PDE4B: variants seen among roughly 807,000 people sequenced by gnomAD.
The protein encoded by PDE4B is phosphodiesterase 4B.
A neutral mutation model predicts 82.2 loss-of-function variants in PDE4B; 20 were observed. The observed-to-expected ratio is 0.24, with a 90% confidence interval of 0.17 to 0.35. The LOEUF is 0.35. PDE4B is among the 10% of genes least tolerant of loss of function. The pLI is 1.00. For missense variants in PDE4B, 655 were observed against 907.2 expected (o/e 0.72, Z 3.57); for synonymous variants, 320 against 318.9 (o/e 1.00, Z -0.04).
intron 3 of PDE4B, among the ~76,000 whole-genome samples, chr1:65,947,601 G>T (rs184361559): frequency 6.6e-6 from 1 of 152,094 alleles, no homozygotes; most frequent in Admixed American, 6.6e-5. Flanking sequence ...CTGGAATAGG[G>T]TGGACCCTTT....
chr1:65,875,160 C>T (rs902037710), intron 1 of PDE4B, among the ~76,000 whole-genome samples: 1 of 152,094 alleles, frequency 6.6e-6, no homozygotes, highest in African/African-American at 2.4e-5. Flanking sequence ...AGAAACTTCT[C>T]AAAAGAAGAC....
intron 7 of PDE4B, among the ~76,000 whole-genome samples, chr1:66,300,687 C>T (rs572764580): frequency 6.6e-6 from 1 of 152,264 alleles, no homozygotes; most frequent in Admixed American, 6.5e-5. Flanking sequence ...GAATTGGACG[C>T]AGACCCTGAA....
At chr1:66,015,761 G>A (rs1003830789) in intron 3 of PDE4B, among the ~76,000 whole-genome samples, 2 of 152,072 alleles carry the variant, frequency 1.3e-5, no homozygotes, top group South Asian at 2.1e-4. Context: ...CAGAGGAAAA[G>A]GTGGGGGGTG....
At chr1:66,261,924 G>GT (rs1446748674) in intron 6 of PDE4B, among the ~76,000 whole-genome samples, 1 of 152,228 alleles carries the variant, frequency 6.6e-6, no homozygotes, top group Admixed American at 6.5e-5. Flanking sequence ...GCGCAAGTGA[G>GT]TGTGCCCACC....
At chr1:65,963,786 C>T (rs949700812) in intron 3 of PDE4B, among the ~76,000 whole-genome samples, 3 of 152,164 alleles carry the variant, frequency 2.0e-5, no homozygotes, top group African/African-American at 7.2e-5. Flanking sequence ...CAATCATTGC[C>T]TTCCAAAAAG....
chr1:65,873,113 A>G (rs959953221), intron 1 of PDE4B, among the ~76,000 whole-genome samples: 1 of 152,178 alleles, frequency 6.6e-6, no homozygotes, highest in South Asian at 2.1e-4. Context: ...AATTTCAAGT[A>G]AAAAATGCTG....
chr1:66,356,348 G>A (rs532797674), intron 9 of PDE4B, among the ~76,000 whole-genome samples: 1 of 152,188 alleles, frequency 6.6e-6, no homozygotes, highest in African/African-American at 2.4e-5. Context: ...TGATTATTTG[G>A]GATTTTTGAA....
At chr1:66,333,664 C>T (rs1021649613) in intron 8 of PDE4B, among the ~76,000 whole-genome samples, 1 of 152,144 alleles carries the variant, frequency 6.6e-6, no homozygotes, top group Non-Finnish European at 1.5e-5. Flanking sequence ...GTGTGTGTCC[C>T]TTCTCCAGCT....
intron 3 of PDE4B, among the ~76,000 whole-genome samples, chr1:66,115,167 G>A (rs1645571053): frequency 6.6e-6 from 1 of 152,042 alleles, no homozygotes; most frequent in African/African-American, 2.4e-5. Context: ...AATTCATACT[G>A]ACCTGTCAGC....
At chr1:65,829,497 T>TA (rs1369802869) in intron 1 of PDE4B, among the ~76,000 whole-genome samples, 1 of 152,236 alleles carries the variant, frequency 6.6e-6, no homozygotes, top group African/African-American at 2.4e-5. Context: ...ACATAATTTT[T>TA]ATTTTTCTCC....
At chr1:66,124,918 C>CGT (rs58795750) in intron 3 of PDE4B, among the ~76,000 whole-genome samples, 89,366 of 147,902 alleles carry the variant, frequency 0.6, 27,053 homozygotes, top group Admixed American at 0.62. Context: ...TGTGTGTATG[C>CGT]GTGTGTGTGT....
chr1:66,056,536 T>TATCTATCTATCTATC (rs1557529461), intron 3 of PDE4B, among the ~76,000 whole-genome samples: 13 of 60,772 alleles, frequency 2.1e-4, no homozygotes, highest in Non-Finnish European at 4.4e-4. Context: ...ATCTATCATC[T>TATCTATCTATCTATC]ATCTATCTAT....
At position 65,987,304 on chromosome 1, in the gene PDE4B, T is replaced by C. The variant is rs530342520; in HGVS notation, c.281+68469T>C. Among the ~76,000 whole-genome samples the C allele has an allele frequency of 2.8e-3, 421 of 152,306 alleles. 1 individual carries two copies. Among genetic ancestry groups the C allele is most frequent in the Non-Finnish European group, 4.9e-3 (335 of 68,020 alleles). Reference sequence around the variant, plus strand: ...TGATCTTTCTGAAGCACCATTTTCCTAAAGATGAGTAATTAAATAGCATCA... The same window carrying C: ...TGATCTTTCTGAAGCACCATTTTCCCAAAGATGAGTAATTAAATAGCATCA... On this transcript the variant is annotated intron_variant, in intron 3 of 16. Transcript: ENST00000341517.
At chr1:66,184,973 A>G (rs1002049613) in intron 3 of PDE4B, among the ~76,000 whole-genome samples, 1 of 152,072 alleles carries the variant, frequency 6.6e-6, no homozygotes, top group African/African-American at 2.4e-5. Flanking sequence ...ATATCTCCTA[A>G]TGCTATCCCT....
At chr1:66,063,487 C>A (rs1553140021) in intron 3 of PDE4B, among the ~76,000 whole-genome samples, 2 of 151,834 alleles carry the variant, frequency 1.3e-5, no homozygotes, top group Non-Finnish European at 2.9e-5. Context: ...TCTTATTATA[C>A]TTTGTTTTGT....
chr1:66,184,085 T>C (rs762246891), intron 3 of PDE4B, among the ~76,000 whole-genome samples: 19 of 152,106 alleles, frequency 1.2e-4, no homozygotes, highest in Non-Finnish European at 2.6e-4. Flanking sequence ...AAGGCAGGGA[T>C]CTGGTGAAAG....
chr1:66,004,487 A>G (rs1652039218), intron 3 of PDE4B, among the ~76,000 whole-genome samples: 1 of 152,134 alleles, frequency 6.6e-6, no homozygotes, highest in African/African-American at 2.4e-5. Flanking sequence ...AATCACTCTC[A>G]TTCATCACAG....
chr1:65,877,719 T>C (rs1416041935), intron 1 of PDE4B, among the ~76,000 whole-genome samples: 2 of 151,718 alleles, frequency 1.3e-5, no homozygotes, highest in Non-Finnish European at 2.9e-5. Flanking sequence ...CCTTACACCC[T>C]ATACAAAAAT....
chr1:66,345,132 G>A (rs1570738619), intron 8 of PDE4B, among the ~76,000 whole-genome samples: 1 of 152,084 alleles, frequency 6.6e-6, no homozygotes, highest in African/African-American at 2.4e-5. Context: ...ACTGAGATTC[G>A]GGAAAGATAA....
Sources: allele counts gnomAD v4.1 joint callset (sites outside exome capture counted in the v4.1 genomes callset), GRCh38; gene constraint gnomAD v4.1.1; transcripts MANE v1.5; gene names NCBI Gene and HGNC (gene_info 2026-07-23, HGNC 2026-07-21).